The following THSD4 variants were observed in gnomAD, a reference collection of about 807,000 sequenced individuals.
THSD4 encodes the protein thrombospondin type 1 domain containing 4, also known as thrombospondin type-1 domain-containing protein 4.
In THSD4, 69 loss-of-function variants were observed where a neutral mutation model predicts 119.0. The observed-to-expected ratio is 0.58, with a 90% CI of 0.48 to 0.71. The LOEUF (loss-of-function observed/expected upper bound fraction) is 0.71, where lower values mean the gene tolerates loss of function less well. THSD4 is among the 30% of genes least tolerant of loss of function. The pLI is 0.00. For missense variants in THSD4, 1,393 were observed against 1,391.1 expected, an observed-to-expected ratio of 1.00 and a Z score of -0.02; for synonymous variants, 524 against 540.4, an observed-to-expected ratio of 0.97 and a Z score of 0.42.
intron 8 of THSD4, among the ~76,000 whole-genome samples, chr15:71,692,219 G>A (rs772762630): frequency 1.4e-4 from 22 of 152,300 alleles, no homozygotes; most frequent in Non-Finnish European, 2.6e-4. Flanking sequence ...GCACGTGTAC[G>A]TTAAAGATGA....
intron 3 of THSD4, chr15:71,164,723 G>T (rs2043276292): frequency 1.2e-5 from 18 of 1,563,656 alleles, no homozygotes; most frequent in South Asian, 5.0e-5. Context: ...TGTACAGGGG[G>T]GTTAAATGCT....
intron 8 of THSD4, among the ~76,000 whole-genome samples, chr15:71,671,979 G>A (rs1188385030): frequency 6.6e-6 from 1 of 152,080 alleles, no homozygotes; most frequent in Non-Finnish European, 1.5e-5. Flanking sequence ...CTCTTTTTTG[G>A]TTCCATATGA....
intron 7 of THSD4, among the ~76,000 whole-genome samples, chr15:71,472,192 C>T (rs954905087): frequency 2.0e-5 from 3 of 152,168 alleles, no homozygotes; most frequent in Non-Finnish European, 1.5e-5. Flanking sequence ...GCTGGAATTA[C>T]AGGCATGAGC....
chr15:71,681,368 C>T (rs886911568), intron 8 of THSD4, among the ~76,000 whole-genome samples: 1 of 152,038 alleles, frequency 6.6e-6, no homozygotes, highest in Admixed American at 6.6e-5. Context: ...ATCAAGCCAA[C>T]AATCAGTATC....
At chr15:71,294,323 G>A (rs1277095163) in intron 6 of THSD4, among the ~76,000 whole-genome samples, 1 of 152,136 alleles carries the variant, frequency 6.6e-6, no homozygotes, top group Non-Finnish European at 1.5e-5. Context: ...ACACCCACAG[G>A]TCCCTCAAAG....
At chr15:71,638,969 C>T (rs987509116) in intron 7 of THSD4, among the ~76,000 whole-genome samples, 4 of 152,156 alleles carry the variant, frequency 2.6e-5, no homozygotes, top group Non-Finnish European at 5.9e-5. Flanking sequence ...CAAAGTCAGC[C>T]ATCTTTGCAG....
intron 3 of THSD4, chr15:71,184,215 G>A (rs1448689413): frequency 1.3e-5 from 2 of 151,772 alleles, no homozygotes; most frequent in African/African-American, 4.8e-5. Flanking sequence ...AGGATTCTCT[G>A]GAAAGAGGAA....
At chr15:71,221,270 T>A (rs1406104349) in intron 4 of THSD4, among the ~76,000 whole-genome samples, 2 of 152,220 alleles carry the variant, frequency 1.3e-5, no homozygotes, top group Non-Finnish European at 2.9e-5. Flanking sequence ...TTTTATTGTG[T>A]TAAAATACAC....
In THSD4 at chr15:71,737,755, G is replaced by A. The variant is rs780778871; in HGVS notation, c.1654G>A (p.Val552Met). Residue 552 changes from valine (V) to methionine (M), a missense_variant, in exon 11 of 18, where the codon GTG becomes ATG. Val to Met is a conservative substitution (Grantham distance 21). Coordinates refer to ENST00000261862, the MANE Select transcript of THSD4 (RefSeq NM_024817.3). ...RPGEPFNGQMVTEGRSQEEGE... is the reference protein window; with the variant it reads ...RPGEPFNGQMMTEGRSQEEGE... The stretch of plus-strand genomic sequence containing the variant: ...AGGGGAACCCTTCAATGGCCAGATG[G>A]TGACAGAAGGCAGGAGCCAGGAGGA... 3.7e-6 allele frequency: 6 copies of A among 1,612,504 alleles called. No homozygotes were observed. The Admixed American group carries it at 6.7e-5, about 18-fold the overall frequency.
chr15:71,440,645 CT>C (rs932812279), intron 7 of THSD4, among the ~76,000 whole-genome samples: 1 of 152,092 alleles, frequency 6.6e-6, no homozygotes, highest in African/African-American at 2.4e-5. Flanking sequence ...TTGATGATGA[CT>C]TTTTCTTGAA....
chr15:71,411,574 T>C (rs1354192873), intron 6 of THSD4, 113 bp from the exon 7 acceptor site: 47 of 1,185,480 alleles, frequency 4.0e-5, no homozygotes, highest in Non-Finnish European at 5.5e-5. Flanking sequence ...AATTTTGTGT[T>C]ATACAAATTT....
intron 7 of THSD4, among the ~76,000 whole-genome samples, chr15:71,621,318 A>G (rs180828776): frequency 3.1e-4 from 47 of 152,330 alleles, no homozygotes; most frequent in Middle Eastern, 3.4e-3. Flanking sequence ...TGTAAGTTCA[A>G]TGGAGATCAT....
At chr15:71,480,867 C>T (rs2047720194) in intron 7 of THSD4, among the ~76,000 whole-genome samples, 1 of 152,186 alleles carries the variant, frequency 6.6e-6, no homozygotes, top group African/African-American at 2.4e-5. Context: ...ATCAACTCTA[C>T]CATAGTCTAT....
chr15:71,395,256 G>A (rs969768234), intron 6 of THSD4, among the ~76,000 whole-genome samples: 2 of 152,234 alleles, frequency 1.3e-5, no homozygotes, highest in East Asian at 1.9e-4. Flanking sequence ...ACCCCAAAAC[G>A]GGGAGCTCAG....
chr15:71,647,493 A>G (rs1404720955), intron 7 of THSD4, among the ~76,000 whole-genome samples: 1 of 152,238 alleles, frequency 6.6e-6, no homozygotes, highest in African/African-American at 2.4e-5. Flanking sequence ...TTTCCTAATG[A>G]AATATTCATA....
chr15:71,665,637 A>G (rs1390971269), intron 8 of THSD4, among the ~76,000 whole-genome samples: 1 of 152,142 alleles, frequency 6.6e-6, no homozygotes, highest in East Asian at 1.9e-4. Flanking sequence ...TGGGTTTTAC[A>G]TTTAAGTCTT....
intron 7 of THSD4, among the ~76,000 whole-genome samples, chr15:71,466,578 C>T (rs1470541709): frequency 6.6e-6 from 1 of 152,116 alleles, no homozygotes; most frequent in African/African-American, 2.4e-5. Flanking sequence ...GGGTTTGCTC[C>T]ACCTTCTGGA....
chr15:71,189,653 G>T (rs1370878619), intron 3 of THSD4, among the ~76,000 whole-genome samples: 1 of 146,846 alleles, frequency 6.8e-6, no homozygotes, highest in African/African-American at 2.5e-5. Context: ...CTGGGCGACA[G>T]AGCAAGACTC....
intron 6 of THSD4, among the ~76,000 whole-genome samples, chr15:71,370,851 G>A (rs146715135): frequency 7.2e-5 from 11 of 152,044 alleles, no homozygotes; most frequent in Non-Finnish European, 1.0e-4. Context: ...ACTTTGTCTC[G>A]TCGATCTGTC....
Sources: gnomAD v4.1 joint callset for allele counts (sites outside exome capture counted in the v4.1 genomes callset) on GRCh38, gnomAD v4.1.1 for gene constraint, MANE v1.5 for transcripts, NCBI Gene and HGNC (gene_info 2026-07-23, HGNC 2026-07-21) for gene names.